Variants in PPID observed in about 807,000 individuals in gnomAD.
PPID encodes the protein peptidylprolyl isomerase D, also known as peptidyl-prolyl cis-trans isomerase D.
A neutral mutation model predicts 48.1 loss-of-function variants in PPID; 47 were observed. The ratio of observed to expected loss-of-function variants is 0.98; its 90% confidence interval spans 0.77 to 1.25. The LOEUF is 1.25. PPID is among the 50% of genes most tolerant of loss of function. The probability of loss-of-function intolerance (pLI) is 0.00; values close to 1 mark genes in which losing one functional copy is unlikely to be tolerated. For synonymous variants in PPID, 163 were observed against 148.8 expected (o/e 1.10, Z -0.69); for missense variants, 429 against 443.5 (o/e 0.97, Z 0.29).
Position 158,715,646 on chromosome 4 carries a change from T to G in PPID, c.561A>C (p.Gly187=). 1.2e-6 allele frequency: 2 copies of G among 1,610,556 alleles called. No individual in the cohort carries two copies. The highest frequency in any genetic ancestry group is 2.2e-5 in the East Asian group (1 of 44,866). Residue 187 remains glycine (G), a synonymous_variant, in exon 5 of 10, where the codon GGA becomes GGC. Transcript: ENST00000307720. ...VIAECGELKE[G]DDGGIFPKDG... Reference sequence around the variant, plus strand: ...CTTTTGGGAATATTCCCCCGTCATCTCCTTCCTTCAATTCTCCACATTCTG... The same window carrying G: ...CTTTTGGGAATATTCCCCCGTCATCGCCTTCCTTCAATTCTCCACATTCTG...
chr4:158,723,390 G>T lies in PPID; in HGVS notation c.-102C>A. ...GTCTCCGCCGGAGACCGGCAGCGACGCTGACCGGCCACTTCCGACGCAAGA... is the reference window on the plus strand; with the variant it reads ...GTCTCCGCCGGAGACCGGCAGCGACTCTGACCGGCCACTTCCGACGCAAGA... On this transcript the variant is annotated 5_prime_UTR_variant, in exon 1 of 10. Transcript: ENST00000307720. 2 of 1,170,198 alleles carry T rather than the reference G, an allele frequency of 1.7e-6. No homozygotes were observed. The highest frequency in any genetic ancestry group is 2.5e-6 in the Non-Finnish European group (2 of 809,498). 72.5% of individuals were successfully genotyped at this position (1,170,198 alleles called of 1,614,324 possible). A position where few individuals can be genotyped will look rare whatever the true frequency, so the allele number is the denominator to read the frequency against.
rs199533620 is a variant in PPID, at chr4:158,723,261, G to A, written c.28C>T (p.Pro10Ser). Residue 10 changes from proline to serine, a missense_variant, in exon 1 of 10, where the codon CCC (proline) becomes TCC (serine). Coordinates refer to ENST00000307720, the MANE Select transcript of PPID (RefSeq NM_005038.3). ...ACTCGAGGGTTACTGGGGTTGGAGG[G>A]CTTGGCTTGGGGGGACGGGTGCGAC... The part of the protein sequence containing the change: MSHPSPQAK[P>S]SNPSNPRVFF... 6.2e-7 allele frequency: 1 copy of A among 1,614,042 alleles called. No homozygotes were observed. The highest frequency in any genetic ancestry group is 8.5e-7 in the Non-Finnish European group (1 of 1,180,008).
At chr4:158,720,845 G>T (rs1774946211) in intron 2 of PPID, among the ~76,000 whole-genome samples, 1 of 151,888 alleles carries the variant, frequency 6.6e-6, no homozygotes, top group Non-Finnish European at 1.5e-5. Flanking sequence ...CTCCCGAGTA[G>T]CTGGGACTAC....
At chr4:158,714,815 C>A (rs1410333915) in intron 6 of PPID, among the ~76,000 whole-genome samples, 1 of 152,164 alleles carries the variant, frequency 6.6e-6, no homozygotes, top group African/African-American at 2.4e-5. Context: ...GTCTCGAACT[C>A]CCGACCTCAG....
At chr4:158,718,798 G>C (rs1464453912) in intron 3 of PPID, among the ~76,000 whole-genome samples, 3 of 152,152 alleles carry the variant, frequency 2.0e-5, no homozygotes, top group Non-Finnish European at 2.9e-5. Flanking sequence ...CTGCTAGTGT[G>C]CAAATCCCCT....
intron 6 of PPID, among the ~76,000 whole-genome samples, 186 bp from the exon 7 acceptor site, chr4:158,713,446 T>C (rs1774821793): frequency 6.6e-6 from 1 of 152,242 alleles, no homozygotes; most frequent in South Asian, 2.1e-4. Flanking sequence ...TTCCCCAAAG[T>C]GTTCAAAGAG....
intron 2 of PPID, among the ~76,000 whole-genome samples, chr4:158,720,967 G>A (rs911169711): frequency 6.6e-6 from 1 of 152,176 alleles, no homozygotes; most frequent in Non-Finnish European, 1.5e-5. Flanking sequence ...ACCCGCCTCA[G>A]CCTCCCAAAG....
intron 7 of PPID, 28 bp downstream of exon 7, chr4:158,713,091 C>A: frequency 6.2e-7 from 1 of 1,611,606 alleles, no homozygotes; most frequent in African/African-American, 1.3e-5. Context: ...CCAACTTATT[C>A]AAAAAGTTCA....
intron 9 of PPID, 63 bp from the exon 10 acceptor site, chr4:158,709,887 C>G (rs1330523485): frequency 1.5e-6 from 2 of 1,347,798 alleles, no homozygotes; most frequent in Admixed American, 1.8e-5. Context: ...TGGTGACTAA[C>G]AAACTATTTT....
intron 2 of PPID, among the ~76,000 whole-genome samples, chr4:158,720,696 C>G (rs1282044299): frequency 1.7e-5 from 2 of 118,108 alleles, no homozygotes; most frequent in Non-Finnish European, 3.6e-5. Context: ...AAAAATTATG[C>G]ATTTTTTTGT....
At chr4:158,711,994 A>G (rs1478632339) in intron 7 of PPID, among the ~76,000 whole-genome samples, 3 of 152,090 alleles carry the variant, frequency 2.0e-5, no homozygotes, top group Non-Finnish European at 4.4e-5. Flanking sequence ...TTTTCTTTTG[A>G]TAAGTTTTTT....
chr4:158,721,396 A>G lies in PPID; in HGVS notation c.173T>C (p.Ile58Thr), dbSNP rs186494786. The change falls in exon 2 of 10, where the codon ATT (isoleucine) becomes ACT (threonine). Residue 58 changes from isoleucine (I) to threonine (T), a missense_variant. Coordinates refer to ENST00000307720, the MANE Select transcript of PPID (RefSeq NM_005038.3). ...GAGAGGTTTCCCAGTCGTGTGTCCA[A>G]TGCCTTTTTCTCCTGTACACAGTGC... ...FRALCTGEKGIGHTTGKPLHF... is the reference protein window; with the variant it reads ...FRALCTGEKGTGHTTGKPLHF... The G allele has an allele frequency of 4.3e-5, 69 of 1,614,060 alleles. No homozygotes were observed. The highest frequency in any genetic ancestry group is 4.9e-5 in the Non-Finnish European group (58 of 1,179,950).
At chr4:158,720,300 T>A (rs953971943) in intron 2 of PPID, among the ~76,000 whole-genome samples, 3 of 152,262 alleles carry the variant, frequency 2.0e-5, no homozygotes, top group Non-Finnish European at 4.4e-5. Context: ...ATTTTCTGCA[T>A]ATAGTTTATT....
At chr4:158,716,559 TA>T (rs33958032) in intron 4 of PPID, among the ~76,000 whole-genome samples, 749 of 138,188 alleles carry the variant, frequency 5.4e-3, no homozygotes, top group East Asian at 0.022. Context: ...GTAGAAAAGT[TA>T]AAAAAAAAAA....
intron 3 of PPID, among the ~76,000 whole-genome samples, chr4:158,718,598 T>C (rs1327532562): frequency 2.6e-5 from 4 of 152,214 alleles, no homozygotes; most frequent in Non-Finnish European, 5.9e-5. Context: ...ACTGACGACA[T>C]TTTTTCAAAT....
chr4:158,715,827 TAC>T, intron 4 of PPID, 143 bp from the exon 5 acceptor site: 1 of 877,968 alleles, frequency 1.1e-6, no homozygotes, highest in Non-Finnish European at 1.7e-6. Flanking sequence ...GCTGTTTTTA[TAC>T]ATTCCAACTA....
chr4:158,710,032 A>C, intron 9 of PPID: 4 of 552,436 alleles, frequency 7.2e-6, no homozygotes, highest in Non-Finnish European at 1.3e-5. Context: ...CAAGTACATC[A>C]AGATTTGCCT....
intron 9 of PPID, 126 bp downstream of exon 9, chr4:158,710,502 C>G (rs1435821329): frequency 2.0e-6 from 2 of 986,668 alleles, no homozygotes; most frequent in Non-Finnish European, 3.2e-6. Context: ...AATGCCTGGC[C>G]CAACAGCAGG....
At chr4:158,710,595 A>C (rs1774773015) in intron 9 of PPID, 33 bp downstream of exon 9, 1 of 1,601,256 alleles carries the variant, frequency 6.2e-7, no homozygotes, top group Admixed American at 1.7e-5. Flanking sequence ...TAAATAACAA[A>C]ATTAACTTTC....
Sources: allele counts gnomAD v4.1 joint callset (sites outside exome capture counted in the v4.1 genomes callset), GRCh38; gene constraint gnomAD v4.1.1; transcripts MANE v1.5; gene names NCBI Gene and HGNC (gene_info 2026-07-23, HGNC 2026-07-21).